ASB4: variants seen among roughly 807,000 people sequenced by gnomAD.
The protein encoded by ASB4 is ankyrin repeat and SOCS box containing 4.
In ASB4, 35 loss-of-function variants were observed where a neutral mutation model predicts 38.6. That is an observed-to-expected ratio of 0.91 (90% CI 0.69 to 1.20). The LOEUF is 1.20. ASB4 is among the 50% of genes most tolerant of loss of function. ASB4 has a pLI of 0.00. For synonymous variants in ASB4, 195 were observed against 201.3 expected (o/e 0.97, Z 0.26); for missense variants, 557 against 527.2 (o/e 1.06, Z -0.55).
At chr7:95,472,841 G>A in the ASB4 span, among the ~76,000 whole-genome samples, 2,141 of 152,210 alleles carry the variant, frequency 0.014, 51 homozygotes, top group African/African-American at 0.049. Flanking sequence ...ACCCAGAAAC[G>A]TGCACTTCCC....
intron 1 of ASB4, among the ~76,000 whole-genome samples, chr7:95,478,959 A>G (rs1484329344): frequency 6.6e-6 from 1 of 152,218 alleles, no homozygotes; most frequent in Non-Finnish European, 1.5e-5. Context: ...AACCTGAATC[A>G]GTCTGTGGAC....
At chr7:95,497,241 C>G (rs1292573489) in intron 2 of ASB4, among the ~76,000 whole-genome samples, 1 of 152,042 alleles carries the variant, frequency 6.6e-6, no homozygotes, top group Non-Finnish European at 1.5e-5. Context: ...TGGAGGTAGA[C>G]AAGAATGGAA....
intron 1 of ASB4, among the ~76,000 whole-genome samples, chr7:95,480,671 G>A (rs1472903524): frequency 6.6e-6 from 1 of 152,130 alleles, no homozygotes; most frequent in Non-Finnish European, 1.5e-5. Flanking sequence ...ACTTTTAAAG[G>A]GGATTGTCTA....
rs1790082405 is a variant in ASB4 at position 95,485,949 on chromosome 7, A to G, written c.-23A>G. 8 of 1,608,572 alleles carry G rather than the reference A, an allele frequency of 5.0e-6. No homozygotes were observed. Among genetic ancestry groups the G allele is most frequent in the Non-Finnish European group, 6.8e-6 (8 of 1,176,716 alleles). ...GCTGTTCTCTCGATAAATCACAACA[A>G]AGCTTCCAGAGGGAGAGGAAGGATG... On this transcript the variant is annotated 5_prime_UTR_variant, in exon 1 of 5. Transcript: ENST00000325885.
intron 2 of ASB4, among the ~76,000 whole-genome samples, chr7:95,505,696 C>CA (rs909050688): frequency 8.3e-5 from 12 of 144,198 alleles, no homozygotes; most frequent in African/African-American, 2.5e-4. Context: ...TCCCCCCCCC[C>CA]CCAAATACTT....
intron 3 of ASB4, 128 bp downstream of exon 3, chr7:95,528,431 C>T (rs2116647124): frequency 6.6e-7 from 1 of 1,514,352 alleles, no homozygotes; most frequent in East Asian, 2.3e-5. Flanking sequence ...CCTCTTTGAC[C>T]TTCCATTACA....
chr7:95,484,978 G>A (rs1278125044), upstream of ASB4, among the ~76,000 whole-genome samples: 1 of 145,358 alleles, frequency 6.9e-6, no homozygotes, highest in African/African-American at 2.5e-5. Flanking sequence ...GTGTATATAT[G>A]TATATATGTG....
chr7:95,537,089 CTG>C (rs569792958), intron 4 of ASB4, among the ~76,000 whole-genome samples: 301 of 152,264 alleles, frequency 2.0e-3, no homozygotes, highest in Non-Finnish European at 3.7e-3. Flanking sequence ...ATGTCAAAGT[CTG>C]TCTGTAACAC....
intron 2 of ASB4, among the ~76,000 whole-genome samples, chr7:95,519,721 T>G (rs1025059661): frequency 9.9e-5 from 15 of 152,206 alleles, no homozygotes; most frequent in African/African-American, 3.4e-4. Flanking sequence ...CTGACCTGTC[T>G]TAATACCTTT....
chr7:95,520,662 C>A (rs1004505458), intron 2 of ASB4, among the ~76,000 whole-genome samples: 1 of 150,720 alleles, frequency 6.6e-6, no homozygotes, highest in African/African-American at 2.4e-5. Flanking sequence ...CCCATCCACA[C>A]ACACTAGAGA....
intron 1 of ASB4, 53 bp downstream of exon 1, chr7:95,486,211 T>C (rs1327661479): frequency 6.9e-7 from 1 of 1,449,340 alleles, no homozygotes; most frequent in African/African-American, 1.4e-5. Flanking sequence ...TTTAAAAAAA[T>C]GCACAGTGTC....
chr7:95,495,751 T>C lies in ASB4; in HGVS notation c.188-7T>C. 6.4e-7 allele frequency: 1 copy of C among 1,571,200 alleles called. No individual in the cohort carries two copies. The highest frequency in any genetic ancestry group is 1.2e-5 in the South Asian group (1 of 84,100). On this transcript the variant is annotated splice_region_variant and splice_polypyrimidine_tract_variant and intron_variant, in intron 1 of 4. Transcript: ENST00000325885. ...ACTTTCCTTTTCCTTTTTTTTTTTT[T>C]TTTCAGGTTACTGGTTGCCTAGCTA...
chr7:95,549,607 T>A, the ASB4 span, among the ~76,000 whole-genome samples: 1 of 152,134 alleles, frequency 6.6e-6, no homozygotes, highest in African/African-American at 2.4e-5. Context: ...GAGACTCCAT[T>A]TTTAAAATGG....
chr7:95,506,155 T>C (rs1015991773), intron 2 of ASB4, among the ~76,000 whole-genome samples: 2 of 152,204 alleles, frequency 1.3e-5, no homozygotes, highest in African/African-American at 4.8e-5. Context: ...TGCCTAGGCC[T>C]ACAAAGTGCT....
intron 1 of ASB4, among the ~76,000 whole-genome samples, chr7:95,488,392 C>G (rs1790123434): frequency 6.6e-6 from 1 of 152,092 alleles, no homozygotes. Flanking sequence ...ATGCTTCCAA[C>G]CTTATCATCG....
At chr7:95,490,584 G>A (rs1256468820) in intron 1 of ASB4, among the ~76,000 whole-genome samples, 1 of 152,226 alleles carries the variant, frequency 6.6e-6, no homozygotes, top group African/African-American at 2.4e-5. Flanking sequence ...CTTCTCATGT[G>A]TGGGGTTCTT....
At chr7:95,481,336 A>G (rs576404476), upstream of ASB4, among the ~76,000 whole-genome samples, 2 of 151,974 alleles carry the variant, frequency 1.3e-5, no homozygotes, top group African/African-American at 4.8e-5. Context: ...ATTAACACTA[A>G]CCTATAAAAG....
At chr7:95,530,326 G>A (rs1306150739) in intron 3 of ASB4, among the ~76,000 whole-genome samples, 2 of 152,060 alleles carry the variant, frequency 1.3e-5, no homozygotes, top group African/African-American at 2.4e-5. Context: ...TTAGCTGGGT[G>A]TTGTGGCGTG....
At chr7:95,548,784 A>AT in the ASB4 span, among the ~76,000 whole-genome samples, 1 of 152,200 alleles carries the variant, frequency 6.6e-6, no homozygotes, top group African/African-American at 2.4e-5. Flanking sequence ...TGCTTCATTC[A>AT]TTTTTTAACT....
Sources: gnomAD v4.1 joint callset for allele counts (sites outside exome capture counted in the v4.1 genomes callset) on GRCh38, gnomAD v4.1.1 for gene constraint, MANE v1.5 for transcripts, NCBI Gene and HGNC (gene_info 2026-07-23, HGNC 2026-07-21) for gene names.